Variants in CCDC91 observed in about 807,000 individuals in gnomAD.
CCDC91 encodes the protein coiled-coil domain containing 91.
In CCDC91, 48 loss-of-function variants were observed where a neutral mutation model predicts 63.2. That is an observed-to-expected ratio of 0.76 (90% CI 0.60 to 0.97). The LOEUF is 0.97. Among genes scored for constraint, CCDC91 ranks in the 50% least tolerant of loss-of-function variants. The pLI, the probability that CCDC91 is intolerant of heterozygous loss-of-function variation, is 0.00. For missense variants in CCDC91, 500 were observed against 494.6 expected (o/e 1.01, Z -0.10); for synonymous variants, 167 against 165.8 (o/e 1.01, Z -0.06).
At chr12:28,447,540 A>T (rs1272403784) in intron 8 of CCDC91, among the ~76,000 whole-genome samples, 1 of 151,056 alleles carries the variant, frequency 6.6e-6, no homozygotes, top group East Asian at 2.0e-4. Context: ...TTTACAAATT[A>T]TCTATGTTTA....
chr12:28,405,801 T>G (rs1946899448), intron 8 of CCDC91, among the ~76,000 whole-genome samples: 1 of 152,220 alleles, frequency 6.6e-6, no homozygotes, highest in Non-Finnish European at 1.5e-5. Flanking sequence ...AGGCAGATTG[T>G]GATGCTATAA....
chr12:28,343,691 A>C (rs558144710), intron 6 of CCDC91, among the ~76,000 whole-genome samples: 6 of 152,148 alleles, frequency 3.9e-5, no homozygotes, highest in Non-Finnish European at 8.8e-5. Flanking sequence ...ATACAACTAA[A>C]TTTATGTAAC....
intron 8 of CCDC91, among the ~76,000 whole-genome samples, chr12:28,428,105 A>T (rs1948426223): frequency 6.6e-6 from 1 of 152,144 alleles, no homozygotes; most frequent in South Asian, 2.1e-4. Context: ...TTATTGATAT[A>T]AGTACTTAAT....
Position 28,298,377 on chromosome 12 carries a change from T to TC in CCDC91, c.110-7266dup, listed in dbSNP as rs1555177592. 3.6e-3 allele frequency among the ~76,000 whole-genome samples: 525 copies of TC among 145,038 alleles called. 3 individuals carry two copies. The highest frequency in any genetic ancestry group is 0.01 in the African/African-American group (403 of 40,132). On this transcript the variant is annotated intron_variant, in intron 3 of 12. Transcript: ENST00000536442. Reference sequence around the variant, plus strand: ...GATTGTTGAGTTTTTTTTTTTTTTTTCCCCCCACAAAAGCTAGTTGGCCCC... The same window carrying TC: ...GATTGTTGAGTTTTTTTTTTTTTTTTCCCCCCCACAAAAGCTAGTTGGCCCC...
rs1386683567 is a variant in CCDC91 at position 28,452,472 on chromosome 12, T to A, written c.925-6T>A. The stretch of plus-strand genomic sequence containing the variant: ...AAATTTGTTCTGGTCTTTATTTATT[T>A]TGAAGCTTGAAAAAGAAGCAGTGAA... On this transcript the variant is annotated splice_polypyrimidine_tract_variant and splice_region_variant and intron_variant, in intron 10 of 12. Transcript: ENST00000536442. The A allele has an allele frequency of 5.2e-6, 8 of 1,535,854 alleles. No individual in the cohort carries two copies. The highest frequency in any genetic ancestry group is 6.2e-6 in the Non-Finnish European group (7 of 1,133,578).
At chr12:28,205,064 G>A (rs1591979641) in intron 1 of CCDC91, among the ~76,000 whole-genome samples, 1 of 152,126 alleles carries the variant, frequency 6.6e-6, no homozygotes, top group East Asian at 1.9e-4. Context: ...CTGTTGGAAA[G>A]CCTTGGATTT....
chr12:28,195,114 G>A (rs573973186), intron 1 of CCDC91, among the ~76,000 whole-genome samples: 1 of 152,122 alleles, frequency 6.6e-6, no homozygotes, highest in South Asian at 2.1e-4. Flanking sequence ...TCCATTTACA[G>A]AGAGCTGATT....
chr12:28,262,523 G>C (rs1946894548), intron 3 of CCDC91, among the ~76,000 whole-genome samples: 1 of 151,988 alleles, frequency 6.6e-6, no homozygotes, highest in Non-Finnish European at 1.5e-5. Flanking sequence ...ATTTCTTAAA[G>C]TGTCTGTATA....
chr12:28,325,641 G>C (rs1488400718), intron 6 of CCDC91, among the ~76,000 whole-genome samples: 1 of 151,874 alleles, frequency 6.6e-6, no homozygotes, highest in Admixed American at 6.6e-5. Flanking sequence ...TGACTTTAAA[G>C]CCAAAAGTTG....
At chr12:28,299,648 C>T (rs1314616224) in intron 3 of CCDC91, among the ~76,000 whole-genome samples, 4 of 151,578 alleles carry the variant, frequency 2.6e-5, no homozygotes, top group East Asian at 3.8e-4. Context: ...TATTATCTTT[C>T]GACCTCATTC....
At chr12:28,541,046 G>A (rs1290700841) in intron 12 of CCDC91, among the ~76,000 whole-genome samples, 1 of 152,082 alleles carries the variant, frequency 6.6e-6, no homozygotes, top group African/African-American at 2.4e-5. Context: ...TGACCCAGAG[G>A]CACTCCTGTA....
At chr12:28,374,441 C>G (rs1337852314) in intron 7 of CCDC91, among the ~76,000 whole-genome samples, 1 of 152,054 alleles carries the variant, frequency 6.6e-6, no homozygotes, top group Non-Finnish European at 1.5e-5. Context: ...TCATGAGTTT[C>G]AGAATATATA....
intron 11 of CCDC91, among the ~76,000 whole-genome samples, chr12:28,478,954 C>G (rs1592792426): frequency 1.3e-5 from 2 of 152,070 alleles, no homozygotes; most frequent in Non-Finnish European, 2.9e-5. Flanking sequence ...ATTAAAATAT[C>G]GGGAAACAAC....
intron 3 of CCDC91, chr12:28,304,727 A>C: frequency 2.7e-6 from 3 of 1,094,778 alleles, no homozygotes; most frequent in Non-Finnish European, 3.7e-6. Flanking sequence ...TATAGTTTAG[A>C]AAGTTAAAAT....
intron 1 of CCDC91, among the ~76,000 whole-genome samples, chr12:28,240,966 C>T (rs1248543200): frequency 6.6e-6 from 1 of 152,134 alleles, no homozygotes; most frequent in Non-Finnish European, 1.5e-5. Context: ...AGTGATCATA[C>T]TGTTTTACAT....
At chr12:28,490,125 G>C (rs1404561528) in intron 12 of CCDC91, among the ~76,000 whole-genome samples, 2 of 151,712 alleles carry the variant, frequency 1.3e-5, no homozygotes, top group African/African-American at 4.8e-5. Context: ...TAGGAAAATG[G>C]CGCTTTCCTG....
chr12:28,349,013 C>T (rs533006438), intron 6 of CCDC91, among the ~76,000 whole-genome samples: 1 of 152,200 alleles, frequency 6.6e-6, no homozygotes, highest in African/African-American at 2.4e-5. Flanking sequence ...TGTGAGCCAC[C>T]ATGACTGGCA....
chr12:28,456,696 T>C (rs1274788840), intron 11 of CCDC91, among the ~76,000 whole-genome samples: 1 of 152,160 alleles, frequency 6.6e-6, no homozygotes, highest in African/African-American at 2.4e-5. Context: ...TGATTTTGGA[T>C]GTAATTTCAT....
chr12:28,478,674 C>CA (rs1157950316), intron 11 of CCDC91, among the ~76,000 whole-genome samples: 1 of 152,120 alleles, frequency 6.6e-6, no homozygotes, highest in Non-Finnish European at 1.5e-5. Context: ...AGTGAACAGG[C>CA]AACCTACAGA....
Sources: allele counts gnomAD v4.1 joint callset (sites outside exome capture counted in the v4.1 genomes callset), GRCh38; gene constraint gnomAD v4.1.1; transcripts MANE v1.5; gene names NCBI Gene and HGNC (gene_info 2026-07-23, HGNC 2026-07-21).